The following CSNK1G1 variants were observed in gnomAD, a reference collection of about 807,000 sequenced individuals.
CSNK1G1 encodes casein kinase 1 gamma 1, also known as casein kinase I isoform gamma-1.
A neutral mutation model predicts 59.6 loss-of-function variants in CSNK1G1; 22 were observed. The ratio of observed to expected loss-of-function variants is 0.37; its 90% CI spans 0.26 to 0.53. The LOEUF is 0.53. CSNK1G1 is among the 20% of genes least tolerant of loss of function. The pLI, the probability that CSNK1G1 is intolerant of heterozygous loss-of-function variation, is 0.89. For synonymous variants in CSNK1G1, 179 were observed against 177.1 expected (o/e 1.01, Z -0.08); for missense variants, 384 against 519.5 (o/e 0.74, Z 2.54).
In CSNK1G1 at chr15:64,243,488, C is replaced by G. The variant is rs555983002; in HGVS notation, c.292+8024G>C. Among the ~76,000 whole-genome samples the G allele has an allele frequency of 1.1e-3, 172 of 152,138 alleles. 1 individual carries two copies. The highest frequency in any genetic ancestry group is 1.7e-3 in the South Asian group (8 of 4,808). ...TGAATTTCTCCTCAAAAAATTGGAA[C>G]AAGACAGGATGCCGTCTCTCACCAC... On this transcript the variant is annotated intron_variant, in intron 4 of 11. Coordinates refer to ENST00000303052, the MANE Select transcript of CSNK1G1 (RefSeq NM_022048.5).
At position 64,214,013 on chromosome 15, in the gene CSNK1G1, T is replaced by C; in HGVS notation, c.556A>G (p.Ile186Val). Residue 186 changes from isoleucine (I) to valine (V), a missense_variant, in exon 6 of 12, where the codon ATA becomes GTA. By Grantham distance (29) the Ile-to-Val change is conservative. This residue lies in a region of CSNK1G1 where 325 missense variants were observed against 440.9 expected (regional missense o/e 0.74). Transcript: ENST00000303052. This position sits in a 1 kb window ranked among gnomAD's most constrained non-coding sequence, Gnocchi z 4.3. ...GNKKEHVIHI[I>V]DFGLAKEYID... ...TATTCCTTGGCCAGTCCAAAGTCTA[T>C]AATGTGTATAACATGCTCTTTCTTA... is the stretch of plus-strand genomic sequence containing the variant. 6.2e-7 allele frequency: 1 copy of C among 1,614,134 alleles called. No homozygotes were observed. The highest frequency in any genetic ancestry group is 8.5e-7 in the Non-Finnish European group (1 of 1,179,976).
intron 4 of CSNK1G1, among the ~76,000 whole-genome samples, chr15:64,245,345 C>G (rs371626542): frequency 2.6e-5 from 4 of 152,104 alleles, no homozygotes. Context: ...TATATGCAAA[C>G]CATGTATCTA....
rs767122339 is a variant in CSNK1G1, at chr15:64,166,344, C to CT, written c.*5586dup. 1 of 232,502 alleles carries CT rather than the reference C, an allele frequency of 4.3e-6. No homozygotes were observed. Among genetic ancestry groups the CT allele is most frequent in the African/African-American group, 2.3e-5 (1 of 44,368 alleles). 14.4% of individuals were successfully genotyped at this position (232,502 alleles called of 1,614,324 possible). A position where few individuals can be genotyped will look rare whatever the true frequency, so the allele number is the denominator to read the frequency against. ...TGGGGGGTATATATTTTTGGTTTAT[C>CT]TTTATCTTTTCTGCTGTTATTTTTT... On this transcript the variant is annotated 3_prime_UTR_variant, in exon 12 of 12. Transcript: ENST00000303052. This position sits in a 1 kb window ranked among gnomAD's most constrained non-coding sequence, Gnocchi z 4.5.
chr15:64,253,459 T>G lies in CSNK1G1; in HGVS notation c.223-1878A>C, dbSNP rs559682753. 3.3e-5 allele frequency among the ~76,000 whole-genome samples: 5 copies of G among 152,326 alleles called. No homozygotes were observed. In the South Asian group the frequency reaches 1.0e-3, roughly 32 times the overall value. On this transcript the variant is annotated intron_variant, in intron 3 of 11. Coordinates refer to ENST00000303052, the MANE Select transcript of CSNK1G1 (RefSeq NM_022048.5). ...GGATGTGGAGAAACTGGAACCCTTG[T>G]GCACTGCTGATGGGAATGCAAAATG...
At chr15:64,259,487 C>CACAG (rs1892574713) in intron 2 of CSNK1G1, among the ~76,000 whole-genome samples, 2 of 105,074 alleles carry the variant, frequency 1.9e-5, no homozygotes, top group Non-Finnish European at 3.6e-5. Flanking sequence ...CTCTCTTACA[C>CACAG]ACACACACAC....
chr15:64,286,330 A>G (rs1023733014), intron 2 of CSNK1G1, among the ~76,000 whole-genome samples: 5 of 151,956 alleles, frequency 3.3e-5, no homozygotes, highest in East Asian at 3.9e-4. Flanking sequence ...GATATTGTTA[A>G]CATGTTATTG....
chr15:64,268,555 G>A (rs1893105790), intron 2 of CSNK1G1, among the ~76,000 whole-genome samples: 1 of 152,082 alleles, frequency 6.6e-6, no homozygotes, highest in South Asian at 2.1e-4. Flanking sequence ...GTTTCTTCTG[G>A]GTACTCCAGT....
At chr15:64,312,178 C>A (rs909394455) in intron 1 of CSNK1G1, among the ~76,000 whole-genome samples, 13 of 152,226 alleles carry the variant, frequency 8.5e-5, no homozygotes, top group African/African-American at 3.1e-4. Context: ...GCCATACTGC[C>A]CAAAGTAATT....
At chr15:64,184,848 T>C (rs1429035140) in intron 10 of CSNK1G1, among the ~76,000 whole-genome samples, 3 of 152,212 alleles carry the variant, frequency 2.0e-5, no homozygotes, top group Admixed American at 2.0e-4. Context: ...CGTTCAGACC[T>C]GGTAATATCC....
chr15:64,237,317 G>C (rs2089587145), intron 4 of CSNK1G1, among the ~76,000 whole-genome samples: 1 of 152,082 alleles, frequency 6.6e-6, no homozygotes, highest in Non-Finnish European at 1.5e-5. Context: ...CTGAATTTAG[G>C]AGTATAGGTA....
At chr15:64,198,192 C>CTTTT (rs893282431) in intron 10 of CSNK1G1, among the ~76,000 whole-genome samples, 5 of 110,588 alleles carry the variant, frequency 4.5e-5, no homozygotes, top group East Asian at 2.4e-4. Context: ...ACAGGATATA[C>CTTTT]TTTTTTTTTT....
chr15:64,193,379 G>C (rs1353322309), intron 10 of CSNK1G1, among the ~76,000 whole-genome samples: 1 of 151,766 alleles, frequency 6.6e-6, no homozygotes, highest in African/African-American at 2.4e-5. Context: ...TGTAGTCCCA[G>C]CTACTCGGGA....
At chr15:64,282,254 C>T (rs954178184) in intron 2 of CSNK1G1, among the ~76,000 whole-genome samples, 4 of 151,960 alleles carry the variant, frequency 2.6e-5, no homozygotes, top group African/African-American at 9.7e-5. Context: ...TACACAATTG[C>T]CTGACCTAAT....
chr15:64,185,500 T>C (rs535433009), intron 10 of CSNK1G1, among the ~76,000 whole-genome samples: 2 of 152,196 alleles, frequency 1.3e-5, no homozygotes, highest in Non-Finnish European at 2.9e-5. Flanking sequence ...ACTTAGTTTA[T>C]AGGGAGTAGA....
intron 10 of CSNK1G1, among the ~76,000 whole-genome samples, chr15:64,198,234 G>GC (rs2082061848): frequency 7.8e-6 from 1 of 128,650 alleles, no homozygotes; most frequent in South Asian, 2.4e-4. Flanking sequence ...AGTCTCTGCT[G>GC]CCCCGGCTGG....
At chr15:64,180,326 C>G (rs2081795293) in intron 11 of CSNK1G1, 22 bp downstream of exon 11, 1 of 1,571,860 alleles carries the variant, frequency 6.4e-7, no homozygotes, top group Non-Finnish European at 8.8e-7. Flanking sequence ...GACTTAAGAG[C>G]CCCCTTGAAA....
At chr15:64,308,992 T>C in intron 1 of CSNK1G1, among the ~76,000 whole-genome samples, 1 of 152,164 alleles carries the variant, frequency 6.6e-6, no homozygotes, top group Non-Finnish European at 1.5e-5. Flanking sequence ...TTCCCTTATA[T>C]TTTATGTTAA....
Position 64,307,741 on chromosome 15 carries a change from C to T in CSNK1G1, c.-224-7018G>A, listed in dbSNP as rs970168252. Among the ~76,000 whole-genome samples the T allele has an allele frequency of 3.3e-5, 5 of 152,224 alleles. No homozygotes were observed. The East Asian group carries it at 9.6e-4, about 29-fold the overall frequency. On this transcript the variant is annotated intron_variant, in intron 1 of 11. Coordinates refer to ENST00000303052, the MANE Select transcript of CSNK1G1 (RefSeq NM_022048.5). ...TCGCTCTGTCACCCAGGCTGGAGTG[C>T]AGTGGTGCAATCTCGGCTCACTGCA...
At chr15:64,255,999 G>A (rs1417582321) in intron 3 of CSNK1G1, among the ~76,000 whole-genome samples, 1 of 152,216 alleles carries the variant, frequency 6.6e-6, no homozygotes, top group African/African-American at 2.4e-5. Context: ...TAATTATACT[G>A]TAGAGTCCCT....
Sources: allele counts gnomAD v4.1 joint callset (sites outside exome capture counted in the v4.1 genomes callset), GRCh38; gene constraint gnomAD v4.1.1; regional missense constraint gnomAD v4.1.1; non-coding constraint Gnocchi (gnomAD v3.1); transcripts MANE v1.5; gene names NCBI Gene and HGNC (gene_info 2026-07-23, HGNC 2026-07-21).